Variants in LHFPL3 observed in about 807,000 individuals in gnomAD.
The protein encoded by LHFPL3 is LHFPL tetraspan subfamily member 3 protein.
In LHFPL3, 5 loss-of-function variants were observed where a neutral mutation model predicts 19.3. The ratio of observed to expected loss-of-function variants is 0.26; its 90% CI spans 0.14 to 0.54. LHFPL3 has a LOEUF of 0.54. Among genes scored for constraint, LHFPL3 ranks in the 20% least tolerant of loss-of-function variants. The probability of loss-of-function intolerance (pLI) is 0.94; values close to 1 mark genes in which losing one functional copy is unlikely to be tolerated. For synonymous variants in LHFPL3, 133 were observed against 126.2 expected, an observed-to-expected ratio of 1.05 and a Z score of -0.36; for missense variants, 249 against 307.4, an observed-to-expected ratio of 0.81 and a Z score of 1.42.
intron 1 of LHFPL3, among the ~76,000 whole-genome samples, chr7:104,616,908 C>T (rs950835240): frequency 1.3e-5 from 2 of 152,272 alleles, no homozygotes; most frequent in Admixed American, 1.3e-4. Context: ...AAAAGGTCAT[C>T]ATCACTGGTC....
At chr7:104,431,352 A>C (rs547035819) in intron 1 of LHFPL3, among the ~76,000 whole-genome samples, 16 of 152,264 alleles carry the variant, frequency 1.1e-4, no homozygotes, top group African/African-American at 3.9e-4. Flanking sequence ...AGTACTGTCT[A>C]TGTTTCCCCA....
chr7:104,371,238 T>C (rs1790607620), intron 1 of LHFPL3, among the ~76,000 whole-genome samples: 2 of 152,074 alleles, frequency 1.3e-5, no homozygotes, highest in Admixed American at 1.3e-4. Context: ...TGTTTTATTT[T>C]ATTTTTAATT....
chr7:104,453,296 G>T (rs1562902116), intron 1 of LHFPL3, among the ~76,000 whole-genome samples: 1 of 151,122 alleles, frequency 6.6e-6, no homozygotes. Flanking sequence ...TAAGCACTAG[G>T]GGGAGATGGC....
chr7:104,829,896 G>T (rs1457576434), intron 2 of LHFPL3, among the ~76,000 whole-genome samples: 1 of 151,896 alleles, frequency 6.6e-6, no homozygotes, highest in Non-Finnish European at 1.5e-5. Flanking sequence ...GATCCCTGAG[G>T]AATCACCACA....
intron 2 of LHFPL3, among the ~76,000 whole-genome samples, chr7:104,872,891 C>T (rs1389617211): frequency 1.3e-5 from 2 of 152,188 alleles, no homozygotes; most frequent in Non-Finnish European, 2.9e-5. Context: ...ACCAGTAACA[C>T]AATCGTTTAC....
At chr7:104,577,205 A>G (rs548803743) in intron 1 of LHFPL3, among the ~76,000 whole-genome samples, 36 of 152,284 alleles carry the variant, frequency 2.4e-4, no homozygotes, top group Non-Finnish European at 4.3e-4. Flanking sequence ...CAGGAGAGGG[A>G]CATATTAAAC....
chr7:104,373,203 C>G (rs1036730570), intron 1 of LHFPL3, among the ~76,000 whole-genome samples: 1 of 152,078 alleles, frequency 6.6e-6, no homozygotes, highest in Non-Finnish European at 1.5e-5. Flanking sequence ...AATAATGTAT[C>G]CCTTTGGTAT....
chr7:104,365,802 A>AAAAAAAAAAG (rs1562876017), intron 1 of LHFPL3, among the ~76,000 whole-genome samples: 4 of 146,196 alleles, frequency 2.7e-5, no homozygotes, highest in East Asian at 2.0e-4. Flanking sequence ...AAAAAAAAAA[A>AAAAAAAAAAG]AAAGAAAAGC....
intron 1 of LHFPL3, among the ~76,000 whole-genome samples, chr7:104,381,146 G>T (rs764645121): frequency 1.3e-5 from 2 of 152,142 alleles, no homozygotes; most frequent in Non-Finnish European, 2.9e-5. Flanking sequence ...TAAAACCCAT[G>T]GTTCACTTGT....
At position 104,752,772 on chromosome 7, in the gene LHFPL3, C is replaced by T. The variant is rs987635487; in HGVS notation, c.682+15861C>T. On this transcript the variant is annotated intron_variant, in intron 2 of 2. Coordinates refer to ENST00000424859, the MANE Select transcript of LHFPL3 (RefSeq NM_199000.3). The stretch of plus-strand genomic sequence containing the variant: ...CTCGTCGACTTGTCCTCAATGACCA[C>T]GCTCGAGTGTACCTTCACCCTAGAG... The T allele has an allele frequency of 9.1e-5, 36 of 396,138 alleles. 1 individual carries two copies. The highest frequency in any genetic ancestry group is 1.9e-4 in the African/African-American group (9 of 48,618). The allele number at this position is 396,138 out of a possible 1,614,324, so 24.5% of individuals were successfully genotyped here.
At chr7:104,684,907 C>A (rs894451131) in intron 1 of LHFPL3, among the ~76,000 whole-genome samples, 2 of 152,226 alleles carry the variant, frequency 1.3e-5, no homozygotes, top group Non-Finnish European at 2.9e-5. Flanking sequence ...CCCAGGGCAC[C>A]ACTTGCCCTC....
chr7:104,518,156 A>C (rs1793958881), intron 1 of LHFPL3, among the ~76,000 whole-genome samples: 1 of 152,196 alleles, frequency 6.6e-6, no homozygotes, highest in Admixed American at 6.5e-5. Context: ...CACTTTGATA[A>C]TTTATCAAAA....
At chr7:104,441,643 T>C (rs955232075) in intron 1 of LHFPL3, among the ~76,000 whole-genome samples, 2 of 152,228 alleles carry the variant, frequency 1.3e-5, no homozygotes, top group East Asian at 3.9e-4. Context: ...TGGCACGATC[T>C]TAGCTCACTG....
intron 1 of LHFPL3, among the ~76,000 whole-genome samples, chr7:104,484,932 A>C (rs1464896754): frequency 6.6e-6 from 1 of 152,138 alleles, no homozygotes; most frequent in East Asian, 1.9e-4. Flanking sequence ...TCAACTCTCA[A>C]TACTATTACA....
intron 1 of LHFPL3, among the ~76,000 whole-genome samples, chr7:104,542,907 G>A (rs1175916283): frequency 6.6e-6 from 1 of 152,080 alleles, no homozygotes; most frequent in African/African-American, 2.4e-5. Flanking sequence ...CAACCCAAAT[G>A]CCCATCAGTG....
intron 1 of LHFPL3, among the ~76,000 whole-genome samples, chr7:104,455,294 T>C (rs1792518189): frequency 6.6e-6 from 1 of 152,244 alleles, no homozygotes. Flanking sequence ...TGCAAATTAG[T>C]TGATTCACAA....
At chr7:104,495,870 T>C (rs1350526896) in intron 1 of LHFPL3, among the ~76,000 whole-genome samples, 2 of 152,242 alleles carry the variant, frequency 1.3e-5, no homozygotes, top group Non-Finnish European at 2.9e-5. Flanking sequence ...CAATACATGC[T>C]AGATACTCTG....
chr7:104,400,104 C>CA (rs398005676), intron 1 of LHFPL3, among the ~76,000 whole-genome samples: 453 of 25,732 alleles, frequency 0.018, 178 homozygotes, highest in Middle Eastern at 0.083. Context: ...AACTCCATCT[C>CA]AAAAAAAAAA....
chr7:104,645,747 G>A (rs1048289460), intron 1 of LHFPL3, among the ~76,000 whole-genome samples: 5 of 128,554 alleles, frequency 3.9e-5, no homozygotes, highest in East Asian at 2.6e-4. Flanking sequence ...TGCAAGCTCC[G>A]CCTCCCGGGT....
Sources: allele counts gnomAD v4.1 joint callset (sites outside exome capture counted in the v4.1 genomes callset), GRCh38; gene constraint gnomAD v4.1.1; transcripts MANE v1.5; gene names NCBI Gene and HGNC (gene_info 2026-07-23, HGNC 2026-07-21).